SLC6A6: variants seen among roughly 807,000 people sequenced by gnomAD.
SLC6A6 encodes solute carrier family 6 member 6, also known as sodium- and chloride-dependent taurine transporter.
In SLC6A6, 16 loss-of-function variants were observed where a neutral mutation model predicts 68.8. That is an observed-to-expected ratio of 0.23 (90% CI 0.16 to 0.35). The LOEUF (loss-of-function observed/expected upper bound fraction) is 0.35, where lower values mean the gene tolerates loss of function less well. SLC6A6 is among the 10% of genes least tolerant of loss of function. The probability of loss-of-function intolerance (pLI) is 1.00; values close to 1 mark genes in which losing one functional copy is unlikely to be tolerated. For synonymous variants in SLC6A6, 312 were observed against 315.4 expected (o/e 0.99, Z 0.12); for missense variants, 474 against 802.8 (o/e 0.59, Z 4.95).
intron 2 of SLC6A6, among the ~76,000 whole-genome samples, chr3:14,433,871 G>A (rs1334691669): frequency 6.8e-6 from 1 of 147,108 alleles, no homozygotes; most frequent in Non-Finnish European, 1.5e-5. Context: ...GGGCCCTTAA[G>A]TTCCCTTTCA....
At chr3:14,404,701 C>A (rs900032545) in intron 1 of SLC6A6, among the ~76,000 whole-genome samples, 5 of 152,206 alleles carry the variant, frequency 3.3e-5, no homozygotes, top group Admixed American at 1.3e-4. Flanking sequence ...GGCCTCACTA[C>A]GTCCTTGAGG....
chr3:14,471,130 C>CTTTTTTTTTTTTTTTTTTTTTTGTTT (rs754511089), intron 9 of SLC6A6, among the ~76,000 whole-genome samples: 1 of 83,124 alleles, frequency 1.2e-5, no homozygotes, highest in African/African-American at 4.9e-5. Context: ...TGCTTCTTGA[C>CTTTTTTTTTTTTTTTTTTTTTTGTTT]TTTTTTTTTT....
At chr3:14,462,050 G>A (rs781737421) in intron 6 of SLC6A6, among the ~76,000 whole-genome samples, 4 of 152,216 alleles carry the variant, frequency 2.6e-5, no homozygotes, top group African/African-American at 7.2e-5. Context: ...GAGGAGCCAC[G>A]GAGGTTCACC....
chr3:14,412,059 A>T (rs1699263114), intron 1 of SLC6A6, among the ~76,000 whole-genome samples: 1 of 152,244 alleles, frequency 6.6e-6, no homozygotes, highest in African/African-American at 2.4e-5. Flanking sequence ...GGTGGCCCAG[A>T]TAGGTTTTGT....
At chr3:14,441,811 CT>C (rs1427114739) in intron 2 of SLC6A6, among the ~76,000 whole-genome samples, 1 of 152,250 alleles carries the variant, frequency 6.6e-6, no homozygotes, top group African/African-American at 2.4e-5. Flanking sequence ...TTGTCACCAG[CT>C]GCCTGTGGAT....
In SLC6A6 at chr3:14,481,711, C is replaced by T; in HGVS notation, c.1592C>T (p.Thr531Ile). The change falls in exon 14 of 15, where the codon ACC becomes ATC. Residue 531 changes from threonine (T) to isoleucine (I), a missense_variant. Thr to Ile is a moderately conservative substitution (Grantham distance 89). Transcript: ENST00000622186. The surrounding 1 kb of genome is among the most constrained non-coding windows in gnomAD (Gnocchi z 4.7). ...TCGCTCGTCAAGTACGTACCCCTGA[C>T]CTACAACAAAACATACGTGTACCCC... The part of the protein sequence containing the change: ...IFSLVKYVPL[T>I]YNKTYVYPNW... 1 of 1,613,858 alleles carries T rather than the reference C, an allele frequency of 6.2e-7. No individual in the cohort carries two copies. Among genetic ancestry groups the T allele is most frequent in the Non-Finnish European group, 8.5e-7 (1 of 1,179,856 alleles).
chr3:14,414,656 G>A (rs1419509164), intron 1 of SLC6A6, among the ~76,000 whole-genome samples: 2 of 152,038 alleles, frequency 1.3e-5, no homozygotes. Flanking sequence ...CTCCCAAGTG[G>A]GTGGGACTAC....
Position 14,468,465 on chromosome 3 carries a change from G to T in SLC6A6, c.1096+253G>T, listed in dbSNP as rs1299074518. Among the ~76,000 whole-genome samples, 1 of 151,684 alleles carries T rather than the reference G, an allele frequency of 6.6e-6. No homozygotes were observed. Among genetic ancestry groups the T allele is most frequent in the Non-Finnish European group, 1.5e-5 (1 of 67,986 alleles). ...GGGTGGTTAAGTTGGGGAATTTTTA[G>T]CTACCTTAGTGTGGTCTTCCCCGCC... is the stretch of plus-strand genomic sequence containing the variant. On this transcript the variant is annotated intron_variant, in intron 9 of 14. Transcript: ENST00000622186. This position sits in a 1 kb window ranked among gnomAD's most constrained non-coding sequence, Gnocchi z 4.5.
intron 6 of SLC6A6, among the ~76,000 whole-genome samples, chr3:14,459,217 C>A (rs1311156203): frequency 1.3e-5 from 2 of 152,194 alleles, no homozygotes; most frequent in African/African-American, 2.4e-5. Flanking sequence ...GATCAAAAAA[C>A]CCCCAAAAGT....
At chr3:14,409,775 G>A (rs1051770195) in intron 1 of SLC6A6, among the ~76,000 whole-genome samples, 6 of 152,230 alleles carry the variant, frequency 3.9e-5, no homozygotes, top group African/African-American at 1.4e-4. Context: ...GCTGTGGAGT[G>A]TGGGGACTTT....
Position 14,467,968 on chromosome 3 carries a change from G to GCC in SLC6A6, c.971+13_971+14dup. ...TATAACTCGTACAGGCAAGTGTTGC[G>GCC]CCGGCGGGCCTGGTGGACTTTAGAA... On this transcript the variant is annotated intron_variant, in intron 8 of 14. Transcript: ENST00000622186. The GCC allele has an allele frequency of 6.2e-7, 1 of 1,609,640 alleles. No individual in the cohort carries two copies. The highest frequency in any genetic ancestry group is 1.1e-5 in the South Asian group (1 of 90,954).
chr3:14,408,103 T>C (rs2124892836), intron 1 of SLC6A6, among the ~76,000 whole-genome samples: 1 of 152,322 alleles, frequency 6.6e-6, no homozygotes, highest in South Asian at 2.1e-4. Context: ...CAAGTGTTTT[T>C]GTGGACATAT....
Position 14,442,578 on chromosome 3 carries a change from C to T in SLC6A6, c.-11-1046C>T, listed in dbSNP as rs183553875. Among the ~76,000 whole-genome samples, 3 of 152,354 alleles carry T rather than the reference C, an allele frequency of 2.0e-5. No homozygotes were observed. In the East Asian group the frequency reaches 5.8e-4, roughly 29 times the overall value. On this transcript the variant is annotated intron_variant, in intron 2 of 14. Transcript: ENST00000622186. ...TATCCACCTTCTGCACAGACGGCCA[C>T]ACTGGGTGTGACTGTGGCCCTCAGG...
chr3:14,417,180 A>G (rs2124906237), intron 2 of SLC6A6, among the ~76,000 whole-genome samples: 2 of 152,328 alleles, frequency 1.3e-5, no homozygotes, highest in Middle Eastern at 6.8e-3. Context: ...AAAATTAAAA[A>G]TAATATAAAT....
Position 14,481,502 on chromosome 3 carries a change from A to G in SLC6A6, c.1552-169A>G, listed in dbSNP as rs1701005512. On this transcript the variant is annotated intron_variant, in intron 13 of 14. Coordinates refer to ENST00000622186, the MANE Select transcript of SLC6A6 (RefSeq NM_003043.6). This position sits in a 1 kb window ranked among gnomAD's most constrained non-coding sequence, Gnocchi z 4.7. ...CAGGGAAACGACTTACTGTGTTTTT[A>G]CCGGGGCGGGGGGGATCCTTATGGC... 6.7e-6 allele frequency among the ~76,000 whole-genome samples: 1 copy of G among 150,346 alleles called. No individual in the cohort carries two copies. The highest frequency in any genetic ancestry group is 2.4e-5 in the African/African-American group (1 of 40,924).
chr3:14,461,155 T>C (rs1268091357), intron 6 of SLC6A6, among the ~76,000 whole-genome samples: 1 of 152,224 alleles, frequency 6.6e-6, no homozygotes, highest in East Asian at 1.9e-4. Context: ...ATTCAACAAA[T>C]AGTGATAACG....
chr3:14,466,713 G>A, intron 7 of SLC6A6, 63 bp downstream of exon 7: 1 of 1,483,570 alleles, frequency 6.7e-7, no homozygotes, highest in Non-Finnish European at 9.1e-7. Flanking sequence ...CACAGGACAG[G>A]GCAGGATGTA....
Position 14,450,595 on chromosome 3 carries a change from A to G in SLC6A6, c.599+2779A>G, listed in dbSNP as rs1700231860. Among the ~76,000 whole-genome samples, 1 of 152,224 alleles carries G rather than the reference A, an allele frequency of 6.6e-6. No homozygotes were observed. On this transcript the variant is annotated intron_variant, in intron 5 of 14. Transcript: ENST00000622186. The surrounding 1 kb of genome is among the most constrained non-coding windows in gnomAD (Gnocchi z 4.1). ...TTCACAAATAAGCTGCCCTCTTTCT[A>G]GAACCCTGGGGAAGATTGAGGGCCA...
At chr3:14,478,949 T>C in intron 12 of SLC6A6, 136 bp from the exon 13 acceptor site, 1 of 639,172 alleles carries the variant, frequency 1.6e-6, no homozygotes. Context: ...TAAATGTCTG[T>C]TTTTGCCACA....
Sources: allele counts gnomAD v4.1 joint callset (sites outside exome capture counted in the v4.1 genomes callset), GRCh38; gene constraint gnomAD v4.1.1; non-coding constraint Gnocchi (gnomAD v3.1); transcripts MANE v1.5; gene names NCBI Gene and HGNC (gene_info 2026-07-23, HGNC 2026-07-21).